The following SYT9 variants were observed in gnomAD, a reference collection of about 807,000 sequenced individuals.
SYT9 encodes the protein synaptotagmin 9, also known as synaptotagmin-9.
A neutral mutation model predicts 48.4 loss-of-function variants in SYT9; 22 were observed. The observed-to-expected ratio is 0.45, with a 90% confidence interval of 0.32 to 0.65. SYT9 has a LOEUF of 0.65. SYT9 is among the 30% of genes least tolerant of loss of function. SYT9 has a pLI of 0.03. For missense variants in SYT9, 577 were observed against 622.0 expected (o/e 0.93, Z 0.77); for synonymous variants, 265 against 245.0 (o/e 1.08, Z -0.76).
At chr11:7,322,204 T>A (rs775801778) in intron 3 of SYT9, among the ~76,000 whole-genome samples, 1 of 152,056 alleles carries the variant, frequency 6.6e-6, no homozygotes, top group Non-Finnish European at 1.5e-5. Flanking sequence ...GAAAGCAGAG[T>A]TGGCAAGAGA....
At chr11:7,250,971 G>A (rs1228632808), upstream of SYT9, among the ~76,000 whole-genome samples, 1 of 152,140 alleles carries the variant, frequency 6.6e-6, no homozygotes, top group Non-Finnish European at 1.5e-5. Context: ...ATTTGAGCAA[G>A]TAACACCTTT....
chr11:7,240,447 T>C (rs757256071), intron 1 of SYT9, among the ~76,000 whole-genome samples: 10 of 152,192 alleles, frequency 6.6e-5, no homozygotes, highest in Non-Finnish European at 1.5e-4. Context: ...AAAACCTGTC[T>C]ACTGTTTTTT....
chr11:7,258,033 A>G (rs186072255), intron 1 of SYT9, among the ~76,000 whole-genome samples: 29 of 152,322 alleles, frequency 1.9e-4, no homozygotes, highest in Middle Eastern at 3.4e-3. Flanking sequence ...TGACACCTAA[A>G]GGAAATCATC....
At chr11:7,348,500 G>A (rs1182658387) in intron 3 of SYT9, among the ~76,000 whole-genome samples, 5 of 152,156 alleles carry the variant, frequency 3.3e-5, no homozygotes, top group Non-Finnish European at 7.4e-5. Flanking sequence ...ATTGCTTCAC[G>A]TTTAATGGAG....
chr11:7,305,459 GTCT>G (rs1369962797), intron 2 of SYT9, among the ~76,000 whole-genome samples: 1 of 152,146 alleles, frequency 6.6e-6, no homozygotes, highest in Non-Finnish European at 1.5e-5. Flanking sequence ...GCAGTACATG[GTCT>G]TCTAATTCTT....
At chr11:7,306,398 A>G (rs936566531) in intron 2 of SYT9, among the ~76,000 whole-genome samples, 3 of 152,234 alleles carry the variant, frequency 2.0e-5, no homozygotes, top group African/African-American at 7.2e-5. Flanking sequence ...TATCAGGTCT[A>G]TTAAGGCCCT....
At chr11:7,446,489 G>A (rs1270230664) in intron 6 of SYT9, among the ~76,000 whole-genome samples, 1 of 152,144 alleles carries the variant, frequency 6.6e-6, no homozygotes, top group Non-Finnish European at 1.5e-5. Context: ...GCTTACTCTT[G>A]GGCTGGTCCT....
At chr11:7,351,348 T>TTG in intron 3 of SYT9, among the ~76,000 whole-genome samples, 1 of 152,204 alleles carries the variant, frequency 6.6e-6, no homozygotes, top group Non-Finnish European at 1.5e-5. Context: ...GCTCCCACAG[T>TTG]CAGTGCAAGA....
At chr11:7,377,738 A>G (rs552175915) in intron 3 of SYT9, among the ~76,000 whole-genome samples, 1 of 152,228 alleles carries the variant, frequency 6.6e-6, no homozygotes, top group African/African-American at 2.4e-5. Context: ...CCGCCACACA[A>G]GAGAAGAGAA....
chr11:7,273,431 A>G (rs1476508999), intron 1 of SYT9, among the ~76,000 whole-genome samples: 4 of 152,112 alleles, frequency 2.6e-5, no homozygotes, highest in African/African-American at 4.8e-5. Context: ...TGGCCCAACT[A>G]TATGTAGCCA....
chr11:7,350,137 G>T (rs1372317588), intron 3 of SYT9, among the ~76,000 whole-genome samples: 1 of 152,140 alleles, frequency 6.6e-6, no homozygotes, highest in East Asian at 1.9e-4. Flanking sequence ...GATTTCCAGA[G>T]AACTAATCAA....
At chr11:7,385,715 CTG>C in intron 3 of SYT9, among the ~76,000 whole-genome samples, 1 of 152,292 alleles carries the variant, frequency 6.6e-6, no homozygotes, top group South Asian at 2.1e-4. Flanking sequence ...TCTGGGCTCT[CTG>C]TGCAGCTCCA....
intron 3 of SYT9, among the ~76,000 whole-genome samples, chr11:7,381,010 C>T (rs1234573177): frequency 1.3e-5 from 2 of 152,132 alleles, no homozygotes; most frequent in Non-Finnish European, 2.9e-5. Context: ...AATTCTATTT[C>T]TCCTTCTAAA....
At chr11:7,392,728 A>G (rs1589993521) in intron 3 of SYT9, among the ~76,000 whole-genome samples, 1 of 152,248 alleles carries the variant, frequency 6.6e-6, no homozygotes, top group East Asian at 1.9e-4. Flanking sequence ...GATTCCTCCA[A>G]TCCATGAGCA....
chr11:7,382,234 C>T (rs1325242190), intron 3 of SYT9, among the ~76,000 whole-genome samples: 2 of 152,166 alleles, frequency 1.3e-5, no homozygotes, highest in Non-Finnish European at 2.9e-5. Flanking sequence ...CATTGTTCTA[C>T]AGTAGCGCAT....
At chr11:7,367,704 C>G (rs1850279268) in intron 3 of SYT9, among the ~76,000 whole-genome samples, 1 of 151,952 alleles carries the variant, frequency 6.6e-6, no homozygotes, top group South Asian at 2.1e-4. Context: ...TTAAAGGTGT[C>G]AGGTTTTGTT....
chr11:7,341,826 T>C (rs1228483459), intron 3 of SYT9, among the ~76,000 whole-genome samples: 1 of 152,170 alleles, frequency 6.6e-6, no homozygotes, highest in African/African-American at 2.4e-5. Flanking sequence ...ATTTTCATGC[T>C]GCTGATAAAG....
At chr11:7,344,864 A>G (rs1351644053) in intron 3 of SYT9, among the ~76,000 whole-genome samples, 1 of 151,776 alleles carries the variant, frequency 6.6e-6, no homozygotes, top group East Asian at 1.9e-4. Flanking sequence ...CTACTTTGTC[A>G]AAGTTGTTTT....
chr11:7,288,486 C>T (rs1848638439), intron 1 of SYT9, among the ~76,000 whole-genome samples: 1 of 152,218 alleles, frequency 6.6e-6, no homozygotes, highest in Admixed American at 6.5e-5. Context: ...TACATTAGCA[C>T]TGGATATCTA....
Sources: gnomAD v4.1 joint callset for allele counts (sites outside exome capture counted in the v4.1 genomes callset) on GRCh38, gnomAD v4.1.1 for gene constraint, MANE v1.5 for transcripts, NCBI Gene and HGNC (gene_info 2026-07-23, HGNC 2026-07-21) for gene names.